Variants in SMG1 observed in about 807,000 individuals in gnomAD.
SMG1 encodes the protein SMG1 nonsense mediated mRNA decay associated PI3K related kinase, also known as serine/threonine-protein kinase SMG1.
Under a neutral mutation model 419.9 loss-of-function variants are expected in SMG1, and 22 were observed. That is an observed-to-expected ratio of 0.05 (90% CI 0.04 to 0.07). The LOEUF (loss-of-function observed/expected upper bound fraction) is 0.07. Among genes scored for constraint, SMG1 ranks in the 10% least tolerant of loss-of-function variants. The pLI, the probability that SMG1 is intolerant of heterozygous loss-of-function variation, is 1.00. For missense variants in SMG1, 3,185 were observed against 4,342.0 expected (o/e 0.73, Z 7.49); for synonymous variants, 1,538 against 1,553.5 (o/e 0.99, Z 0.23).
intron 39 of SMG1, among the ~76,000 whole-genome samples, chr16:18,844,346 T>C (rs1269282727): frequency 6.6e-6 from 1 of 151,400 alleles, no homozygotes; most frequent in Non-Finnish European, 1.5e-5. Context: ...GGAGAATCAC[T>C]TAAACCCGGG....
At chr16:18,818,874 T>C (rs1268658558) in intron 56 of SMG1, among the ~76,000 whole-genome samples, 1 of 148,762 alleles carries the variant, frequency 6.7e-6, no homozygotes. Context: ...TGGAATTCAG[T>C]GGCACGATCT....
intron 38 of SMG1, 62 bp from the exon 39 acceptor site, chr16:18,845,713 A>C: frequency 8.0e-7 from 1 of 1,252,802 alleles, no homozygotes; most frequent in Non-Finnish European, 1.1e-6. Context: ...TTACACAAAC[A>C]TGCAACAATT....
At chr16:18,849,400 A>G in intron 35 of SMG1, 22 bp from the exon 36 acceptor site, 1 of 1,598,278 alleles carries the variant, frequency 6.3e-7, no homozygotes, top group Admixed American at 1.7e-5. Context: ...GAAGAGAGAA[A>G]GACACTTTAA....
In SMG1 at chr16:18,829,522, C is replaced by A; in HGVS notation, c.9367G>T (p.Ala3123Ser). The change falls in exon 54 of 63, where the codon GCA becomes TCA. Residue 3123 changes from alanine to serine, a missense_variant. By Grantham distance (99) the Ala-to-Ser change is moderately conservative. Coordinates refer to ENST00000446231, the MANE Select transcript of SMG1 (RefSeq NM_015092.5). The stretch of plus-strand genomic sequence containing the variant: ...TTGCTTTCGGCACCAAAGTCCTTTG[C>A]CTCTACTTGAGCAATGATGTCTACA... ...LGVDIIAQVE[A>S]KDFGAESKVS... is the part of the protein sequence containing the mutation. 1 of 1,614,008 alleles carries A rather than the reference C, an allele frequency of 6.2e-7. No homozygotes were observed. Among genetic ancestry groups the A allele is most frequent in the Admixed American group, 1.7e-5 (1 of 60,016 alleles).
At chr16:18,874,903 C>CTTAAGCCT (rs2036032744) in intron 13 of SMG1, among the ~76,000 whole-genome samples, 1 of 94,568 alleles carries the variant, frequency 1.1e-5, no homozygotes, top group Non-Finnish European at 1.9e-5. Context: ...AAAAAAAAGC[C>CTTAAGCCT]TTTTTTTTTT....
chr16:18,857,160 C>T (rs2034960127), intron 29 of SMG1: 1 of 152,212 alleles, frequency 6.6e-6, no homozygotes, highest in Non-Finnish European at 1.5e-5. Context: ...AGTAACCACT[C>T]TGCAGTGGTC....
chr16:18,834,832 T>C (rs2033452231), intron 49 of SMG1, 60 bp downstream of exon 49: 2 of 1,535,674 alleles, frequency 1.3e-6, no homozygotes, highest in Admixed American at 3.6e-5. Flanking sequence ...AAGAACATTT[T>C]AGGTTTGGGA....
rs547320505 is a variant in SMG1 at position 18,818,158 on chromosome 16, G to A, written c.9895-688C>T. Among the ~76,000 whole-genome samples the A allele has an allele frequency of 2.6e-3, 400 of 152,064 alleles. 2 individuals are homozygous for A. Among genetic ancestry groups the A allele is most frequent in the Middle Eastern group, 0.014 (4 of 294 alleles). On this transcript the variant is annotated intron_variant, in intron 56 of 62. Coordinates refer to ENST00000446231, the MANE Select transcript of SMG1 (RefSeq NM_015092.5). Reference sequence around the variant, plus strand: ...AGCACTTTGGGAGGCTGAGGCCAGCGGATCACCTGAGGTCAGGAGTTCGAA... The same window carrying A: ...AGCACTTTGGGAGGCTGAGGCCAGCAGATCACCTGAGGTCAGGAGTTCGAA...
intron 3 of SMG1, among the ~76,000 whole-genome samples, chr16:18,895,261 T>G (rs1403530441): frequency 1.3e-5 from 2 of 151,890 alleles, no homozygotes; most frequent in South Asian, 2.1e-4. Flanking sequence ...GCGTGATCAC[T>G]TGAGGTCAGG....
intron 46 of SMG1, 64 bp downstream of exon 46, chr16:18,837,189 T>C: frequency 1.5e-6 from 2 of 1,362,688 alleles, no homozygotes; most frequent in Non-Finnish European, 2.0e-6. Context: ...ATATTGATGT[T>C]TACATGAATA....
At chr16:18,877,936 G>C (rs939382159) in intron 11 of SMG1, 3 of 152,162 alleles carry the variant, frequency 2.0e-5, no homozygotes, top group Non-Finnish European at 4.4e-5. Context: ...AAATACTCCA[G>C]TTGGAGATGA....
intron 10 of SMG1, among the ~76,000 whole-genome samples, chr16:18,881,463 C>T (rs1272506674): frequency 2.0e-5 from 3 of 152,138 alleles, no homozygotes; most frequent in Admixed American, 6.5e-5. Flanking sequence ...TATCTAGCAA[C>T]GTGTTCAGCA....
intron 26 of SMG1, 81 bp from the exon 27 acceptor site, chr16:18,859,784 T>C (rs557813477): frequency 1.0e-6 from 1 of 983,918 alleles, no homozygotes; most frequent in African/African-American, 1.6e-5. Context: ...TATTAAAAAC[T>C]AATCACCAAT....
intron 20 of SMG1, 23 bp from the exon 21 acceptor site, chr16:18,868,742 G>A (rs922295756): frequency 1.1e-6 from 1 of 919,826 alleles, no homozygotes. Flanking sequence ...ACAACATTCT[G>A]AATTTTTAAA....
intron 55 of SMG1, among the ~76,000 whole-genome samples, chr16:18,820,435 C>CT (rs1187204317): frequency 6.6e-6 from 1 of 151,206 alleles, no homozygotes; most frequent in Non-Finnish European, 1.5e-5. Context: ...AACTCCTGGC[C>CT]TCAAGCAATC....
At position 18,854,984 on chromosome 16, in the gene SMG1, C is replaced by T. The variant is rs1257320821; in HGVS notation, c.4235-80G>A. 4 of 1,361,374 alleles carry T rather than the reference C, an allele frequency of 2.9e-6. No individual in the cohort carries two copies. The Admixed American group carries it at 8.7e-5, about 29-fold the overall frequency. 84.3% of individuals were successfully genotyped at this position (1,361,374 alleles called of 1,614,324 possible). ...GGAAACATGGCCAAAAAATTATTCC[C>T]CAACTATCCCTCTTCTGCACCACCT... is the stretch of plus-strand genomic sequence containing the variant. On this transcript the variant is annotated intron_variant, in intron 29 of 62. Transcript: ENST00000446231.
intron 41 of SMG1, among the ~76,000 whole-genome samples, chr16:18,841,243 T>C (rs1293608297): frequency 6.6e-6 from 1 of 151,622 alleles, no homozygotes; most frequent in Non-Finnish European, 1.5e-5. Flanking sequence ...CTACTAAAAA[T>C]ACAAAAATTA....
At chr16:18,896,629 A>G (rs987387035) in intron 2 of SMG1, among the ~76,000 whole-genome samples, 164 bp downstream of exon 2, 4 of 152,224 alleles carry the variant, frequency 2.6e-5, no homozygotes, top group Non-Finnish European at 5.9e-5. Flanking sequence ...AAAAATAATA[A>G]AGTGGATAAA....
chr16:18,872,319 A>G lies in SMG1; in HGVS notation c.2048T>C (p.Leu683Pro), dbSNP rs759576621. ...AAACAAAGAAGGAGAGGAAGAACTG[A>G]GGCTACTAGAGATAAAGTGATCATG... ...TRHDHFISSS[L>P]SSSSPSLFDG... Residue 683 changes from leucine (L) to proline (P), a missense_variant, in exon 15 of 63, where the codon CTC becomes CCC. Physicochemically the swap from Leu to Pro is moderately conservative, Grantham distance 98. Coordinates refer to ENST00000446231, the MANE Select transcript of SMG1 (RefSeq NM_015092.5). 2 of 1,585,534 alleles carry G rather than the reference A, an allele frequency of 1.3e-6. No homozygotes were observed. Among genetic ancestry groups the G allele is most frequent in the Admixed American group, 1.9e-5 (1 of 53,590 alleles).
Sources: gnomAD v4.1 joint callset for allele counts (sites outside exome capture counted in the v4.1 genomes callset) on GRCh38, gnomAD v4.1.1 for gene constraint, MANE v1.5 for transcripts, NCBI Gene and HGNC (gene_info 2026-07-23, HGNC 2026-07-21) for gene names.